Variants in AGBL4 observed in about 807,000 individuals in gnomAD.
AGBL4 encodes the protein AGBL carboxypeptidase 4.
AGBL4 carries 58 observed loss-of-function variants against 66.4 expected under a neutral mutation model. That is an observed-to-expected ratio of 0.87 (90% CI 0.71 to 1.09). The LOEUF is 1.09. Ranked by LOEUF, AGBL4 falls within the 50% of genes least tolerant of loss-of-function variation. AGBL4 has a pLI of 0.00. For synonymous variants in AGBL4, 234 were observed against 222.9 expected (o/e 1.05, Z -0.44); for missense variants, 579 against 631.0 (o/e 0.92, Z 0.88).
chr1:49,398,989 C>T (rs1379044042), intron 3 of AGBL4, among the ~76,000 whole-genome samples: 1 of 152,056 alleles, frequency 6.6e-6, no homozygotes, highest in Non-Finnish European at 1.5e-5. Flanking sequence ...TTCCCTGCCA[C>T]CACCCTACTA....
chr1:49,922,146 T>C (rs1157117509), intron 1 of AGBL4, among the ~76,000 whole-genome samples: 1 of 152,198 alleles, frequency 6.6e-6, no homozygotes, highest in Non-Finnish European at 1.5e-5. Context: ...ATGTGATGAG[T>C]CACATTTATT....
At chr1:49,616,392 C>T (rs563853885) in intron 3 of AGBL4, among the ~76,000 whole-genome samples, 210 of 152,278 alleles carry the variant, frequency 1.4e-3, no homozygotes, top group Admixed American at 3.4e-3. Context: ...TTCTGGTTTT[C>T]CTCTGGCTTT....
At chr1:48,905,110 G>T (rs77428880) in intron 5 of AGBL4, among the ~76,000 whole-genome samples, 4,528 of 152,262 alleles carry the variant, frequency 0.03, 220 homozygotes, top group African/African-American at 0.1. Flanking sequence ...AACTAACGAG[G>T]AATCTTTAGG....
chr1:49,979,208 T>C (rs1658845281), intron 1 of AGBL4, among the ~76,000 whole-genome samples: 1 of 152,126 alleles, frequency 6.6e-6, no homozygotes, highest in Non-Finnish European at 1.5e-5. Flanking sequence ...ACGCCTGTAA[T>C]CCCAGCACTT....
chr1:49,899,006 G>A (rs1194465063), intron 1 of AGBL4, among the ~76,000 whole-genome samples: 2 of 152,146 alleles, frequency 1.3e-5, no homozygotes, highest in East Asian at 3.9e-4. Flanking sequence ...AGGAAGTGGG[G>A]ATGGTTAGTG....
At chr1:49,533,587 G>C (rs1159547896) in intron 3 of AGBL4, among the ~76,000 whole-genome samples, 2 of 152,000 alleles carry the variant, frequency 1.3e-5, no homozygotes, top group Admixed American at 1.3e-4. Flanking sequence ...ATTATGCCAA[G>C]GTTTTCTTAG....
At chr1:48,595,843 T>C (rs1036318939) in intron 9 of AGBL4, among the ~76,000 whole-genome samples, 17 of 152,316 alleles carry the variant, frequency 1.1e-4, no homozygotes, top group Admixed American at 4.6e-4. Flanking sequence ...TGGGGCCGTA[T>C]CCTTCACATT....
chr1:48,728,379 T>C lies in AGBL4; in HGVS notation c.635-65138A>G, dbSNP rs529532484. The stretch of plus-strand genomic sequence containing the variant: ...CATTCTCCTGAACTTTTGCCTTTTT[T>C]TTTTTCTTTTAGTGTTAACACATGT... On this transcript the variant is annotated intron_variant, in intron 6 of 13. Transcript: ENST00000371839. 7.2e-5 allele frequency among the ~76,000 whole-genome samples: 11 copies of C among 152,232 alleles called. No homozygotes were observed. In the East Asian group the frequency reaches 1.9e-3, roughly 27 times the overall value.
chr1:48,574,477 G>A (rs1644617191), intron 11 of AGBL4, among the ~76,000 whole-genome samples: 2 of 151,930 alleles, frequency 1.3e-5, no homozygotes, highest in African/African-American at 2.4e-5. Flanking sequence ...CCCAGGTCTT[G>A]GCATTCTGCA....
At chr1:49,910,119 GA>G (rs1650671845) in intron 1 of AGBL4, among the ~76,000 whole-genome samples, 1 of 152,114 alleles carries the variant, frequency 6.6e-6, no homozygotes. Flanking sequence ...CAGTAGATAG[GA>G]AAATTTTCTA....
At chr1:49,926,136 G>A (rs1420117163) in intron 1 of AGBL4, among the ~76,000 whole-genome samples, 1 of 152,190 alleles carries the variant, frequency 6.6e-6, no homozygotes, top group African/African-American at 2.4e-5. Context: ...GGCCACAGAG[G>A]TACTTGTGTC....
At chr1:49,538,758 A>G (rs1651794333) in intron 3 of AGBL4, among the ~76,000 whole-genome samples, 1 of 152,212 alleles carries the variant, frequency 6.6e-6, no homozygotes, top group Non-Finnish European at 1.5e-5. Flanking sequence ...ATTGTTTTTC[A>G]TCTAATTGGT....
Position 49,402,567 on chromosome 1 carries a change from G to GT in AGBL4, c.283-156704_283-156703insA, listed in dbSNP as rs1262833286. 6.1e-5 allele frequency among the ~76,000 whole-genome samples: 8 copies of GT among 130,676 alleles called. No individual in the cohort carries two copies. The South Asian group carries it at 7.6e-4, about 12-fold the overall frequency. The allele number at this position is 130,676 out of a possible 152,430, so 85.7% of individuals were successfully genotyped here. On this transcript the variant is annotated intron_variant, in intron 3 of 13. Transcript: ENST00000371839. Reference sequence around the variant, plus strand: ...TTGATATTATTTCAATATTTTGAATGCCTTTTTTTTTTTTTTTGAGATGGA... The same window carrying GT: ...TTGATATTATTTCAATATTTTGAATGTCCTTTTTTTTTTTTTTTGAGATGGA...
At chr1:48,734,970 C>T (rs1648786705) in intron 6 of AGBL4, among the ~76,000 whole-genome samples, 1 of 152,182 alleles carries the variant, frequency 6.6e-6, no homozygotes, top group East Asian at 1.9e-4. Context: ...CCTGCTGGCT[C>T]GGGTTCCTGG....
At chr1:48,710,929 C>CAAAAAAAAAAAAA (rs1557895437) in intron 6 of AGBL4, among the ~76,000 whole-genome samples, 2 of 152,168 alleles carry the variant, frequency 1.3e-5, no homozygotes, top group African/African-American at 4.8e-5. Context: ...AGATCCAGCT[C>CAAAAAAAAAAAAA]AGACATTACC....
chr1:49,922,158 A>C (rs570619480), intron 1 of AGBL4, among the ~76,000 whole-genome samples: 1 of 152,194 alleles, frequency 6.6e-6, no homozygotes, highest in African/African-American at 2.4e-5. Flanking sequence ...ACATTTATTG[A>C]TTTGCCTATA....
At chr1:49,903,671 G>C (rs1649994377) in intron 1 of AGBL4, among the ~76,000 whole-genome samples, 1 of 151,972 alleles carries the variant, frequency 6.6e-6, no homozygotes, top group Non-Finnish European at 1.5e-5. Context: ...ACAGATATTG[G>C]CAAATAACTG....
chr1:48,702,660 G>T (rs1258470744), intron 6 of AGBL4, among the ~76,000 whole-genome samples: 1 of 152,148 alleles, frequency 6.6e-6, no homozygotes, highest in Non-Finnish European at 1.5e-5. Flanking sequence ...GGAAGTAGGG[G>T]ATAGGCTGGC....
chr1:49,098,868 T>C (rs1351075541), intron 4 of AGBL4, among the ~76,000 whole-genome samples: 3 of 152,238 alleles, frequency 2.0e-5, no homozygotes, highest in Non-Finnish European at 4.4e-5. Flanking sequence ...CCTATTTTGA[T>C]ACATGGCAAT....
Sources: allele counts gnomAD v4.1 joint callset (sites outside exome capture counted in the v4.1 genomes callset), GRCh38; gene constraint gnomAD v4.1.1; transcripts MANE v1.5; gene names NCBI Gene and HGNC (gene_info 2026-07-23, HGNC 2026-07-21).